ITSN1: variants seen among roughly 807,000 people sequenced by gnomAD.
ITSN1 encodes the protein intersectin-1.
In ITSN1, 58 loss-of-function variants were observed where a neutral mutation model predicts 239.8. That is an observed-to-expected ratio of 0.24 (90% CI 0.20 to 0.30). The LOEUF (loss-of-function observed/expected upper bound fraction) is 0.30, where lower values mean the gene tolerates loss of function less well. Among genes scored for constraint, ITSN1 ranks in the 10% least tolerant of loss-of-function variants. The probability of loss-of-function intolerance (pLI) is 1.00; values close to 1 mark genes in which losing one functional copy is unlikely to be tolerated. For missense variants in ITSN1, 1,558 were observed against 2,103.3 expected (o/e 0.74, Z 5.07); for synonymous variants, 780 against 770.8 (o/e 1.01, Z -0.20).
chr21:33,836,438 C>T lies in ITSN1; in HGVS notation c.3470-3C>T. 6.3e-7 allele frequency: 1 copy of T among 1,598,730 alleles called. No homozygotes were observed. The highest frequency in any genetic ancestry group is 8.5e-7 in the Non-Finnish European group (1 of 1,170,258). On this transcript the variant is annotated splice_region_variant and splice_polypyrimidine_tract_variant and intron_variant, in intron 28 of 39. Transcript: ENST00000381318. ...GCCGCTCACCCAGCCCTGTCTCCTG[C>T]AGTGTGCCAGGTGATTGGGATGTAC...
intron 9 of ITSN1, among the ~76,000 whole-genome samples, chr21:33,763,070 CAG>C: frequency 6.6e-6 from 1 of 152,044 alleles, no homozygotes; most frequent in South Asian, 2.1e-4. Context: ...TAGAGTGCCT[CAG>C]AATGTTTTTA....
intron 1 of ITSN1, among the ~76,000 whole-genome samples, chr21:33,708,025 C>T (rs1366567031): frequency 6.6e-6 from 1 of 152,166 alleles, no homozygotes; most frequent in Non-Finnish European, 1.5e-5. Flanking sequence ...TGTTCCACAT[C>T]CTCACCAACA....
At chr21:33,819,867 A>G (rs2073547396) in intron 24 of ITSN1, among the ~76,000 whole-genome samples, 1 of 152,002 alleles carries the variant, frequency 6.6e-6, no homozygotes, top group South Asian at 2.1e-4. Flanking sequence ...CTGTAGTCCC[A>G]GCTACTCGGG....
intron 4 of ITSN1, among the ~76,000 whole-genome samples, chr21:33,734,077 T>C (rs2066349539): frequency 6.6e-6 from 1 of 152,216 alleles, no homozygotes; most frequent in Admixed American, 6.5e-5. Flanking sequence ...AACTGTCTTA[T>C]TTAGATCTTT....
At chr21:33,671,569 T>C (rs1319039580) in intron 1 of ITSN1, among the ~76,000 whole-genome samples, 15 of 152,118 alleles carry the variant, frequency 9.9e-5, no homozygotes, top group Admixed American at 7.9e-4. Context: ...TTTTGTTTTT[T>C]TAAGTTGGAT....
Position 33,888,432 on chromosome 21 carries a change from C to A in ITSN1, c.*132C>A. 1 of 846,784 alleles carries A rather than the reference C, an allele frequency of 1.2e-6. No homozygotes were observed. The highest frequency in any genetic ancestry group is 1.7e-5 in the African/African-American group (1 of 58,212). The allele number at this position is 846,784 out of a possible 1,614,324, so 52.5% of individuals were successfully genotyped here. On this transcript the variant is annotated 3_prime_UTR_variant, in exon 40 of 40. Coordinates refer to ENST00000381318, the MANE Select transcript of ITSN1 (RefSeq NM_003024.3). ...GGGATATGGGATGGCAAAGACAGGCCCCTCAAAGCTCCTAGGAATCATTCT... is the reference window on the plus strand; with the variant it reads ...GGGATATGGGATGGCAAAGACAGGCACCTCAAAGCTCCTAGGAATCATTCT...
chr21:33,834,666 G>A (rs1229777212), intron 28 of ITSN1, among the ~76,000 whole-genome samples: 1 of 152,180 alleles, frequency 6.6e-6, no homozygotes, highest in Non-Finnish European at 1.5e-5. Flanking sequence ...CTTCTTGCAG[G>A]AGTCATGAAT....
intron 36 of ITSN1, among the ~76,000 whole-genome samples, chr21:33,884,618 G>A (rs1985482737): frequency 6.6e-6 from 1 of 152,190 alleles, no homozygotes; most frequent in Non-Finnish European, 1.5e-5. Flanking sequence ...AAGGCGTTTT[G>A]GTCTTTCGTG....
chr21:33,722,684 A>C (rs369315838), intron 4 of ITSN1, 33 bp downstream of exon 4: 19 of 1,531,904 alleles, frequency 1.2e-5, no homozygotes, highest in Non-Finnish European at 1.6e-5. Context: ...ATTTTACATA[A>C]GCATAAGGCA....
At chr21:33,724,067 A>G (rs1219487981) in intron 4 of ITSN1, among the ~76,000 whole-genome samples, 2 of 150,476 alleles carry the variant, frequency 1.3e-5, no homozygotes, top group Non-Finnish European at 2.9e-5. Context: ...TGAAATAGCA[A>G]AACTTTCACA....
chr21:33,871,413 G>A (rs1162240635), intron 33 of ITSN1, among the ~76,000 whole-genome samples: 1 of 148,126 alleles, frequency 6.8e-6, no homozygotes, highest in East Asian at 2.0e-4. Flanking sequence ...CTGGGTGACA[G>A]AGTGAAACTC....
At chr21:33,766,529 T>C (rs578257867) in intron 10 of ITSN1, among the ~76,000 whole-genome samples, 3 of 152,340 alleles carry the variant, frequency 2.0e-5, no homozygotes, top group Non-Finnish European at 2.9e-5. Context: ...CATGCATGCA[T>C]GCACACGCTG....
chr21:33,865,295 G>A lies in ITSN1; in HGVS notation c.4035G>A (p.Gln1345=), dbSNP rs758334332. The change falls in exon 32 of 40, where the codon CAG becomes CAA. Residue 1345 remains glutamine, a synonymous_variant. Transcript: ENST00000381318. The surrounding 1 kb of genome is among the most constrained non-coding windows in gnomAD (Gnocchi z 4.4). ...TCAACGGGGCTGCCCTGATCCAGCA[G>A]AAGACGGATGAGGCCCCAGACTTCA... The part of the protein sequence containing the change: ...RQLNGAALIQ[Q]KTDEAPDFKE... 1 of 1,589,544 alleles carries A rather than the reference G, an allele frequency of 6.3e-7. No homozygotes were observed. The highest frequency in any genetic ancestry group is 2.3e-5 in the East Asian group (1 of 43,884).
intron 1 of ITSN1, among the ~76,000 whole-genome samples, chr21:33,655,149 G>A (rs1315415398): frequency 6.6e-6 from 1 of 152,046 alleles, no homozygotes. Context: ...ATCACAATTT[G>A]ATTGGAAAGG....
intron 1 of ITSN1, among the ~76,000 whole-genome samples, chr21:33,704,696 C>T (rs1364193027): frequency 6.6e-6 from 1 of 152,064 alleles, no homozygotes; most frequent in East Asian, 1.9e-4. Context: ...AAATTGACTT[C>T]ATTATTTTGG....
rs756507579 is a variant in ITSN1, at chr21:33,886,354, C to T, written c.4911C>T (p.Asp1637=). ...GCCACATCACCAAGACGATCCAGGA[C>T]ACTCTGAACCCCAAGTGGAATTCCA... ...SQCHITKTIQ[D]TLNPKWNSNC... The change falls in exon 39 of 40, where the codon GAC becomes GAT. Residue 1637 remains aspartate (D), a synonymous_variant. Transcript: ENST00000381318. 6.2e-7 allele frequency: 1 copy of T among 1,613,938 alleles called. No individual in the cohort carries two copies. The highest frequency in any genetic ancestry group is 8.5e-7 in the Non-Finnish European group (1 of 1,179,982).
At chr21:33,877,818 T>G (rs1251272189) in intron 34 of ITSN1, among the ~76,000 whole-genome samples, 1 of 146,844 alleles carries the variant, frequency 6.8e-6, no homozygotes, top group Admixed American at 6.9e-5. Context: ...CTTACTTTGT[T>G]TCTATTTTGT....
chr21:33,756,393 T>C (rs1486505298), intron 8 of ITSN1, among the ~76,000 whole-genome samples: 9 of 151,722 alleles, frequency 5.9e-5, no homozygotes, highest in Admixed American at 5.9e-4. Context: ...AAAAACTAAC[T>C]GCCCTCTAAC....
intron 9 of ITSN1, among the ~76,000 whole-genome samples, chr21:33,762,818 C>G (rs1602082309): frequency 6.6e-6 from 1 of 151,924 alleles, no homozygotes; most frequent in African/African-American, 2.4e-5. Context: ...CATGAACCCC[C>G]ACGCTTGGCT....
Sources: allele counts gnomAD v4.1 joint callset (sites outside exome capture counted in the v4.1 genomes callset), GRCh38; gene constraint gnomAD v4.1.1; non-coding constraint Gnocchi (gnomAD v3.1); transcripts MANE v1.5; gene names NCBI Gene and HGNC (gene_info 2026-07-23, HGNC 2026-07-21).